The following ITGA6 variants were observed in gnomAD, a reference collection of about 807,000 sequenced individuals.
ITGA6 encodes integrin subunit alpha 6.
Under a neutral mutation model 133.6 loss-of-function variants are expected in ITGA6, and 63 were observed. That is an observed-to-expected ratio of 0.47 (90% CI 0.38 to 0.58). ITGA6 has a LOEUF of 0.58. Ranked by LOEUF, ITGA6 falls within the 20% of genes least tolerant of loss-of-function variation. The probability of loss-of-function intolerance (pLI) is 0.00; values close to 1 mark genes in which losing one functional copy is unlikely to be tolerated. For synonymous variants in ITGA6, 434 were observed against 482.0 expected (o/e 0.90, Z 1.30); for missense variants, 1,068 against 1,309.4 (o/e 0.82, Z 2.85).
chr2:172,444,432 A>G (rs566919570), intron 1 of ITGA6, among the ~76,000 whole-genome samples: 1 of 152,228 alleles, frequency 6.6e-6, no homozygotes, highest in African/African-American at 2.4e-5. Context: ...ATGAACAACC[A>G]AAATCTGAAA....
At chr2:172,449,232 T>C (rs116324658) in intron 1 of ITGA6, among the ~76,000 whole-genome samples, 1,842 of 152,312 alleles carry the variant, frequency 0.012, 30 homozygotes, top group African/African-American at 0.042. Context: ...GATTTTTATT[T>C]TCTAGAATGA....
chr2:172,487,422 A>G lies in ITGA6; in HGVS notation c.2129A>G (p.Tyr710Cys). ...GCAACGTTTCCAGACACTTTAACCTATTCTGCATATAGAGAACTGAGGGCT... is the reference window on the plus strand; with the variant it reads ...GCAACGTTTCCAGACACTTTAACCTGTTCTGCATATAGAGAACTGAGGGCT... Reference protein sequence around the residue: ...LIATFPDTLTYSAYRELRAFP... With the variant: ...LIATFPDTLTCSAYRELRAFP... Residue 710 changes from tyrosine (Y) to cysteine (C), a missense_variant, in exon 15 of 26, where the codon TAT (tyrosine) becomes TGT (cysteine). Transcript: ENST00000684293. The G allele has an allele frequency of 1.2e-6, 2 of 1,614,146 alleles. No individual in the cohort carries two copies. Among genetic ancestry groups the G allele is most frequent in the Non-Finnish European group, 1.7e-6 (2 of 1,179,970 alleles).
At chr2:172,467,842 C>T (rs918359153) in intron 3 of ITGA6, among the ~76,000 whole-genome samples, 2 of 152,110 alleles carry the variant, frequency 1.3e-5, no homozygotes, top group African/African-American at 4.8e-5. Context: ...CAAAAATTAG[C>T]TGGGCGTAGT....
intron 19 of ITGA6, among the ~76,000 whole-genome samples, chr2:172,488,694 T>C (rs1686794119): frequency 6.6e-6 from 1 of 152,186 alleles, no homozygotes. Context: ...TGTTCGTAAC[T>C]CACACATGGG....
At chr2:172,497,242 A>G (rs903340950) in intron 23 of ITGA6, among the ~76,000 whole-genome samples, 3 of 152,190 alleles carry the variant, frequency 2.0e-5, no homozygotes, top group African/African-American at 7.2e-5. Context: ...GAGGTGGCTC[A>G]TACTTATGAT....
chr2:172,458,901 AAG>A (rs1380606760), intron 1 of ITGA6, among the ~76,000 whole-genome samples: 1 of 152,208 alleles, frequency 6.6e-6, no homozygotes, highest in African/African-American at 2.4e-5. Context: ...AGTCAGAACA[AAG>A]AGCTCTTGAA....
chr2:172,440,347 AT>A (rs1684489237), intron 1 of ITGA6, among the ~76,000 whole-genome samples: 1 of 152,210 alleles, frequency 6.6e-6, no homozygotes, highest in Non-Finnish European at 1.5e-5. Context: ...CAGGGTAAAC[AT>A]TTCTTTAGAA....
At chr2:172,437,309 T>G (rs1030250285) in intron 1 of ITGA6, among the ~76,000 whole-genome samples, 3 of 152,228 alleles carry the variant, frequency 2.0e-5, no homozygotes, top group African/African-American at 7.2e-5. Context: ...AGGAGGCTCC[T>G]GTAATAAACA....
At chr2:172,476,676 C>T (rs1173768513) in intron 9 of ITGA6, among the ~76,000 whole-genome samples, 163 bp downstream of exon 9, 2 of 151,798 alleles carry the variant, frequency 1.3e-5, no homozygotes, top group Non-Finnish European at 2.9e-5. Flanking sequence ...GTAATAACAA[C>T]CTATTTTCTA....
intron 1 of ITGA6, among the ~76,000 whole-genome samples, chr2:172,462,087 C>T (rs534301791): frequency 5.2e-4 from 79 of 152,338 alleles, no homozygotes; most frequent in African/African-American, 1.5e-3. Context: ...ATGAAGGCGC[C>T]TCCAGTTGCT....
chr2:172,453,197 T>C (rs957663118), intron 1 of ITGA6, among the ~76,000 whole-genome samples: 5 of 152,152 alleles, frequency 3.3e-5, no homozygotes, highest in Non-Finnish European at 7.3e-5. Context: ...CTATGTTAAT[T>C]ATAATCTAAC....
chr2:172,486,957 A>G (rs1686706143), intron 13 of ITGA6, 66 bp from the exon 14 acceptor site: 1 of 830,204 alleles, frequency 1.2e-6, no homozygotes, highest in South Asian at 1.4e-5. Context: ...ATAGCCAGTC[A>G]CCTACATCGA....
chr2:172,449,343 C>CT (rs1178559773), intron 1 of ITGA6, among the ~76,000 whole-genome samples: 1 of 152,156 alleles, frequency 6.6e-6, no homozygotes, highest in Non-Finnish European at 1.5e-5. Flanking sequence ...TCGTTTGCTA[C>CT]TTTTTTGGCG....
intron 1 of ITGA6, among the ~76,000 whole-genome samples, chr2:172,443,507 T>C (rs577851954): frequency 2.6e-5 from 4 of 152,302 alleles, no homozygotes; most frequent in Non-Finnish European, 5.9e-5. Context: ...GAGGAGTGGC[T>C]GCCCTCATTC....
At chr2:172,472,941 ATT>A (rs892644371) in intron 5 of ITGA6, 28 of 974,678 alleles carry the variant, frequency 2.9e-5, no homozygotes, top group Non-Finnish European at 3.4e-5. Context: ...TGGTCATTAA[ATT>A]TTTTTTTTTG....
chr2:172,496,684 T>C (rs560252107), intron 23 of ITGA6, among the ~76,000 whole-genome samples: 7 of 152,330 alleles, frequency 4.6e-5, no homozygotes, highest in Admixed American at 2.6e-4. Flanking sequence ...CTCAGAAATA[T>C]CAGAAACTTC....
intron 9 of ITGA6, among the ~76,000 whole-genome samples, chr2:172,477,476 C>CT (rs1363201577): frequency 9.9e-5 from 15 of 152,248 alleles, no homozygotes; most frequent in Middle Eastern, 3.4e-3. Flanking sequence ...CATTTCTCTA[C>CT]TTTTAGGGTA....
At chr2:172,494,498 G>T (rs1687051993) in intron 23 of ITGA6, among the ~76,000 whole-genome samples, 1 of 152,118 alleles carries the variant, frequency 6.6e-6, no homozygotes, top group Non-Finnish European at 1.5e-5. Context: ...ACAGAGTGAG[G>T]CCCTGTCTCA....
chr2:172,434,328 C>G (rs1042655453), intron 1 of ITGA6, among the ~76,000 whole-genome samples: 1 of 152,180 alleles, frequency 6.6e-6, no homozygotes, highest in African/African-American at 2.4e-5. Context: ...GGGCCTCTCA[C>G]CAGTGCAGGT....
Sources: allele counts gnomAD v4.1 joint callset (sites outside exome capture counted in the v4.1 genomes callset), GRCh38; gene constraint gnomAD v4.1.1; transcripts MANE v1.5; gene names NCBI Gene and HGNC (gene_info 2026-07-23, HGNC 2026-07-21).